Variants in PDE10A observed in about 807,000 individuals in gnomAD.
The protein encoded by PDE10A is cAMP and cAMP-inhibited cGMP 3',5'-cyclic phosphodiesterase 10A.
PDE10A carries 39 observed loss-of-function variants against 97.7 expected under a neutral mutation model. The observed-to-expected ratio is 0.40, with a 90% CI of 0.31 to 0.52. The LOEUF (loss-of-function observed/expected upper bound fraction) is 0.52, where lower values mean the gene tolerates loss of function less well. Among genes scored for constraint, PDE10A ranks in the 20% least tolerant of loss-of-function variants. PDE10A has a pLI of 0.56. For missense variants in PDE10A, 731 were observed against 1,047.8 expected, an observed-to-expected ratio of 0.70 and a Z score of 4.17; for synonymous variants, 371 against 376.8, an observed-to-expected ratio of 0.98 and a Z score of 0.18.
chr6:165,626,402 G>T (rs1788388638), intron 1 of PDE10A, among the ~76,000 whole-genome samples: 1 of 152,064 alleles, frequency 6.6e-6, no homozygotes, highest in Non-Finnish European at 1.5e-5. Flanking sequence ...AACTCTAAAA[G>T]AAAACTTTTA....
At chr6:165,881,077 A>G (rs1781458921) in intron 1 of PDE10A, among the ~76,000 whole-genome samples, 1 of 152,240 alleles carries the variant, frequency 6.6e-6, no homozygotes, top group Non-Finnish European at 1.5e-5. Flanking sequence ...AATGGTAAAC[A>G]AAACCAGACT....
At chr6:165,566,034 T>C (rs1181245551) in intron 1 of PDE10A, among the ~76,000 whole-genome samples, 1 of 152,182 alleles carries the variant, frequency 6.6e-6, no homozygotes, top group African/African-American at 2.4e-5. Context: ...ATTTACTTTT[T>C]AGAAGCAACA....
intron 13 of PDE10A, among the ~76,000 whole-genome samples, chr6:165,407,434 TG>T (rs143513430): frequency 0.015 from 2,239 of 152,286 alleles, 66 homozygotes; most frequent in African/African-American, 0.05. Context: ...ATGGTATTGT[TG>T]GGAGAACATA....
intron 1 of PDE10A, among the ~76,000 whole-genome samples, chr6:165,702,339 C>T (rs1176497328): frequency 6.6e-6 from 1 of 152,232 alleles, no homozygotes; most frequent in East Asian, 1.9e-4. Flanking sequence ...CAGAGCCAGA[C>T]CTTGTTCCCC....
chr6:165,501,589 T>G (rs1390632418), intron 2 of PDE10A, among the ~76,000 whole-genome samples: 1 of 147,606 alleles, frequency 6.8e-6, no homozygotes, highest in Non-Finnish European at 1.5e-5. Flanking sequence ...AAAAAAAAAG[T>G]CCTGAGGAAT....
At chr6:165,607,959 T>A (rs2128399559) in intron 1 of PDE10A, among the ~76,000 whole-genome samples, 1 of 152,060 alleles carries the variant, frequency 6.6e-6, no homozygotes, top group East Asian at 1.9e-4. Flanking sequence ...CCCACATGAC[T>A]CTGAGCTGCA....
chr6:165,654,746 A>G (rs1340512084), intron 1 of PDE10A, among the ~76,000 whole-genome samples: 1 of 152,126 alleles, frequency 6.6e-6, no homozygotes, highest in Non-Finnish European at 1.5e-5. Context: ...ATCAGGTATT[A>G]TCCATGCCAC....
chr6:165,849,075 G>A (rs1300167175), intron 1 of PDE10A, among the ~76,000 whole-genome samples: 1 of 152,146 alleles, frequency 6.6e-6, no homozygotes, highest in Non-Finnish European at 1.5e-5. Context: ...CACACATCAT[G>A]AATCATGAAA....
intron 1 of PDE10A, among the ~76,000 whole-genome samples, chr6:165,971,669 G>T (rs1244047487): frequency 1.3e-5 from 2 of 152,144 alleles, no homozygotes; most frequent in African/African-American, 4.8e-5. Flanking sequence ...CAAAACAATA[G>T]TAATTTACTG....
Position 165,416,220 on chromosome 6 carries a change from G to C in PDE10A, c.1858C>G (p.Pro620Ala), listed in dbSNP as rs751057729. The C allele has an allele frequency of 1.2e-6, 2 of 1,612,734 alleles. No homozygotes were observed. The highest frequency in any genetic ancestry group is 1.1e-5 in the South Asian group (1 of 91,022). ...VARTGEVLNI[P>A]DAYADPRFNR... ...AAGCGTGGGTCTGCATAGGCATCTGGAATGTTCAGGACTTCCCCTGTTCTT... is the reference window on the plus strand; with the variant it reads ...AAGCGTGGGTCTGCATAGGCATCTGCAATGTTCAGGACTTCCCCTGTTCTT... Residue 620 changes from proline to alanine, a missense_variant, in exon 12 of 22, where the codon CCA becomes GCA. This residue lies in a region of PDE10A where 108 missense variants were observed against 199.8 expected (regional missense o/e 0.54). Coordinates refer to ENST00000539869, the MANE Select transcript of PDE10A (RefSeq NM_001385079.1).
chr6:165,430,086 C>T (rs1789445252), intron 9 of PDE10A, among the ~76,000 whole-genome samples: 1 of 152,024 alleles, frequency 6.6e-6, no homozygotes, highest in Non-Finnish European at 1.5e-5. Flanking sequence ...ACATATATAT[C>T]TGCAATCCTT....
At chr6:165,587,537 T>C (rs1308327430) in intron 1 of PDE10A, among the ~76,000 whole-genome samples, 1 of 152,188 alleles carries the variant, frequency 6.6e-6, no homozygotes, top group East Asian at 1.9e-4. Flanking sequence ...CTTATTAACA[T>C]TAGAAGTACT....
At chr6:165,916,073 A>C (rs1052335752) in intron 1 of PDE10A, among the ~76,000 whole-genome samples, 34 of 152,250 alleles carry the variant, frequency 2.2e-4, no homozygotes, top group African/African-American at 8.0e-4. Context: ...GAGTAATTGC[A>C]CTGGCACAAA....
At chr6:165,865,002 G>T (rs1416746439) in intron 1 of PDE10A, among the ~76,000 whole-genome samples, 2 of 152,244 alleles carry the variant, frequency 1.3e-5, no homozygotes, top group South Asian at 2.1e-4. Flanking sequence ...TACAGTCTTA[G>T]TTATCTTTAA....
intron 1 of PDE10A, among the ~76,000 whole-genome samples, chr6:165,571,677 G>A (rs1448466106): frequency 6.6e-6 from 1 of 152,162 alleles, no homozygotes; most frequent in African/African-American, 2.4e-5. Flanking sequence ...CTTTTAAAAA[G>A]AAATCCCCAT....
intron 18 of PDE10A, among the ~76,000 whole-genome samples, chr6:165,349,179 T>C (rs1782521809): frequency 6.6e-6 from 1 of 152,138 alleles, no homozygotes; most frequent in Non-Finnish European, 1.5e-5. Flanking sequence ...TGGGAAAGTT[T>C]GGAATTTCCT....
rs115544209 is a variant in PDE10A at position 165,814,519 on chromosome 6, T to C, written c.-615+173010A>G. 9.9e-3 allele frequency among the ~76,000 whole-genome samples: 1,509 copies of C among 152,350 alleles called. 32 individuals carry two copies. The highest frequency in any genetic ancestry group is 0.035 in the African/African-American group (1,446 of 41,562). ...GGAATCATTTACTTTTGATAAATTA[T>C]TTCACGGCCATTTCCCCCATGACTT... On this transcript the variant is annotated intron_variant, in intron 1 of 19. Coordinates refer to the PDE10A transcript ENST00000366882.
intron 1 of PDE10A, among the ~76,000 whole-genome samples, chr6:165,938,980 G>A (rs371812423): frequency 6.6e-6 from 1 of 152,144 alleles, no homozygotes; most frequent in Non-Finnish European, 1.5e-5. Context: ...AATAACATAA[G>A]TGTCCATCAA....
chr6:165,895,891 C>T (rs1169063481), intron 1 of PDE10A, among the ~76,000 whole-genome samples: 1 of 152,220 alleles, frequency 6.6e-6, no homozygotes, highest in African/African-American at 2.4e-5. Context: ...CTTCTGGACA[C>T]ACAAGCAGAT....
Sources: allele counts gnomAD v4.1 joint callset (sites outside exome capture counted in the v4.1 genomes callset), GRCh38; gene constraint gnomAD v4.1.1; regional missense constraint gnomAD v4.1.1; transcripts MANE v1.5; gene names NCBI Gene and HGNC (gene_info 2026-07-23, HGNC 2026-07-21).